Variants in RO60 observed in about 807,000 individuals in gnomAD.
The protein encoded by RO60 is RNA-binding protein RO60.
Under a neutral mutation model 55.3 loss-of-function variants are expected in RO60, and 20 were observed. The observed-to-expected ratio is 0.36, with a 90% CI of 0.25 to 0.53. RO60 has a LOEUF of 0.53. RO60 is among the 20% of genes least tolerant of loss of function. The pLI, the probability that RO60 is intolerant of heterozygous loss-of-function variation, is 0.92. For missense variants in RO60, 558 were observed against 646.6 expected (o/e 0.86, Z 1.49); for synonymous variants, 213 against 213.6 (o/e 1.00, Z 0.02).
downstream of RO60, chr1:193,091,464 C>G (rs957010011): frequency 1.8e-6 from 1 of 549,538 alleles, no homozygotes; most frequent in Non-Finnish European, 3.2e-6. Context: ...CAGGGAGCTT[C>G]CTAGGTCTGT....
At chr1:193,066,335 A>G (rs567427550) in intron 1 of RO60, among the ~76,000 whole-genome samples, 1 of 152,260 alleles carries the variant, frequency 6.6e-6, no homozygotes, top group East Asian at 1.9e-4. Flanking sequence ...ACTTTCCTTC[A>G]TAGTTTATAA....
intron 5 of RO60, among the ~76,000 whole-genome samples, chr1:193,078,014 T>C (rs564764353): frequency 1.3e-5 from 2 of 152,254 alleles, no homozygotes; most frequent in African/African-American, 4.8e-5. Context: ...AACAAAATAC[T>C]AGCAACCAAA....
Position 193,081,287 on chromosome 1 carries a change from A to G in RO60, c.1087-77A>G, listed in dbSNP as rs943039949. 6.5e-6 allele frequency: 5 copies of G among 769,860 alleles called. No individual in the cohort carries two copies. The African/African-American group carries it at 8.6e-5, about 13-fold the overall frequency. 47.7% of individuals were successfully genotyped at this position (769,860 alleles called of 1,614,324 possible). A position where few individuals can be genotyped will look rare whatever the true frequency, so the allele number is the denominator to read the frequency against. On this transcript the variant is annotated intron_variant, in intron 5 of 8. Transcript: ENST00000400968. ...TTTATCAGTCTTTTTAATGTAAGAT[A>G]AGTAAATATGATTTAGAAATTTAGT...
rs1673928764 is a variant in RO60 at position 193,076,493 on chromosome 1, T to C, written c.802-8T>C. The stretch of plus-strand genomic sequence containing the variant: ...TTCCTGGTATTTCTGCCTATGTTAT[T>C]GCAATAGGTATGGAAGGCTTTGTTA... On this transcript the variant is annotated splice_polypyrimidine_tract_variant and splice_region_variant and intron_variant, in intron 3 of 8. Transcript: ENST00000400968. The C allele has an allele frequency of 6.2e-7, 1 of 1,607,904 alleles. No individual in the cohort carries two copies.
Position 193,059,875 on chromosome 1 carries a change from G to T in RO60, c.-22+99G>T. 7.3e-7 allele frequency: 1 copy of T among 1,364,948 alleles called. No individual in the cohort carries two copies. Among genetic ancestry groups the T allele is most frequent in the Non-Finnish European group, 9.8e-7 (1 of 1,021,206 alleles). 84.6% of individuals were successfully genotyped at this position (1,364,948 alleles called of 1,614,324 possible). On this transcript the variant is annotated intron_variant, in intron 1 of 8. Coordinates refer to ENST00000400968, the MANE Select transcript of RO60 (RefSeq NM_001173524.2). This position sits in a 1 kb window ranked among gnomAD's most constrained non-coding sequence, Gnocchi z 4.9. ...CCATGTCTCTCACCCGCATCCCAGG[G>T]GTTGAGGCTGGGCAAACGCCGCGAA...
At chr1:193,060,005 G>C in intron 1 of RO60, 1 of 1,361,604 alleles carries the variant, frequency 7.3e-7, no homozygotes, top group Non-Finnish European at 9.8e-7. Flanking sequence ...CCATTCCTCA[G>C]GGTGGGCCCT....
chr1:193,065,315 T>C (rs1215590591), intron 1 of RO60, among the ~76,000 whole-genome samples: 2 of 152,194 alleles, frequency 1.3e-5, no homozygotes, highest in Non-Finnish European at 2.9e-5. Context: ...CAATGAATAA[T>C]ACAAGGAAAA....
At chr1:193,072,205 T>C (rs1673565780) in intron 2 of RO60, among the ~76,000 whole-genome samples, 1 of 152,168 alleles carries the variant, frequency 6.6e-6, no homozygotes, top group Non-Finnish European at 1.5e-5. Flanking sequence ...GGTTTCACCA[T>C]GTTGGTAATG....
intron 7 of RO60, 31 bp downstream of exon 7, chr1:193,082,330 G>A: frequency 1.3e-6 from 2 of 1,498,422 alleles, no homozygotes; most frequent in Non-Finnish European, 1.8e-6. Flanking sequence ...AGTTTACTTA[G>A]TTAAGTTTAC....
chr1:193,072,698 A>T (rs989167051), intron 2 of RO60, among the ~76,000 whole-genome samples: 18 of 152,178 alleles, frequency 1.2e-4, no homozygotes, highest in African/African-American at 4.1e-4. Context: ...GTTTGTTGAG[A>T]TGTGTCTTGG....
chr1:193,082,825 C>T, intron 8 of RO60, 117 bp downstream of exon 8: 1 of 843,740 alleles, frequency 1.2e-6, no homozygotes, highest in East Asian at 2.8e-5. Context: ...AGTGCAGTGG[C>T]TCAGTCATAG....
intron 2 of RO60, among the ~76,000 whole-genome samples, chr1:193,074,980 C>G (rs1182865670): frequency 6.6e-6 from 1 of 152,098 alleles, no homozygotes; most frequent in Non-Finnish European, 1.5e-5. Context: ...ACACTGTTCT[C>G]AAACCCCTGA....
rs1674556632 is a variant in RO60, at chr1:193,084,962, AT to A, written c.*232del. 1 of 1,544,466 alleles carries A rather than the reference AT, an allele frequency of 6.5e-7. No homozygotes were observed. Among genetic ancestry groups the A allele is most frequent in the Non-Finnish European group, 8.7e-7 (1 of 1,145,234 alleles). On this transcript the variant is annotated 3_prime_UTR_variant, in exon 9 of 9. Transcript: ENST00000400968. ...GCTTCAGGATACTGTAGTTTCCTCT[AT>A]CTAATAGAGAACTTTTTGTTAACAG...
chr1:193,081,320 T>G lies in RO60; in HGVS notation c.1087-44T>G, dbSNP rs988602252. ...ATGATTTAGAAATTTAGTCTACTTA[T>G]AATTTCTGTTATGCTTTTAATGATT... On this transcript the variant is annotated intron_variant, in intron 5 of 8. Coordinates refer to ENST00000400968, the MANE Select transcript of RO60 (RefSeq NM_001173524.2). 3 of 1,133,218 alleles carry G rather than the reference T, an allele frequency of 2.6e-6. 1 individual carries two copies. The highest frequency in any genetic ancestry group is 1.8e-5 in the Admixed American group (1 of 56,080). The allele number at this position is 1,133,218 out of a possible 1,614,324, so 70.2% of individuals were successfully genotyped here. A position where few individuals can be genotyped will look rare whatever the true frequency, so the allele number is the denominator to read the frequency against.
Position 193,085,112 on chromosome 1 carries a change from T to A in RO60, c.*381T>A. On this transcript the variant is annotated 3_prime_UTR_variant, in exon 9 of 9. Coordinates refer to ENST00000400968, the MANE Select transcript of RO60 (RefSeq NM_001173524.2). The stretch of plus-strand genomic sequence containing the variant: ...TTAACGTTTTCTTAAATGTTTTCAT[T>A]GGGAAAGGACAGCTTTGATAATGTC... 6.9e-7 allele frequency: 1 copy of A among 1,448,670 alleles called. No individual in the cohort carries two copies. The highest frequency in any genetic ancestry group is 9.1e-7 in the Non-Finnish European group (1 of 1,103,462). 89.7% of individuals were successfully genotyped at this position (1,448,670 alleles called of 1,614,324 possible).
rs763830792 is a variant in RO60, at chr1:193,075,948, C to T, written c.709C>T (p.Arg237Cys). The change falls in exon 3 of 9, where the codon CGC becomes TGC. Residue 237 changes from arginine to cysteine, a missense_variant. Transcript: ENST00000400968. ...KYLEAVEKVK[R>C]TRDELEVIHL... is the part of the protein sequence containing the mutation. The stretch of plus-strand genomic sequence containing the variant: ...TCTGGAGGCTGTAGAGAAAGTGAAG[C>T]GCACAAGAGATGAGCTAGAAGTCAT... 1.2e-5 allele frequency: 19 copies of T among 1,612,908 alleles called. No individual in the cohort carries two copies. The highest frequency in any genetic ancestry group is 5.0e-5 in the Admixed American group (3 of 59,914).
At position 193,076,919 on chromosome 1, in the gene RO60, A is replaced by T; in HGVS notation, c.955A>T (p.Ile319Leu). 1 of 1,611,520 alleles carries T rather than the reference A, an allele frequency of 6.2e-7. No individual in the cohort carries two copies. Among genetic ancestry groups the T allele is most frequent in the South Asian group, 1.1e-5 (1 of 90,634 alleles). ...CCTTATACTTTGTTTCTAGGCTCGT[A>T]TACATCCATTTCATATTTTGATCGC... ...CNEKLLKKAR[I>L]HPFHILIALE... The change falls in exon 5 of 9, where the codon ATA becomes TTA. Residue 319 changes from isoleucine (I) to leucine (L), a missense_variant. By Grantham distance (5) the Ile-to-Leu change is conservative. Transcript: ENST00000400968.
chr1:193,061,587 A>G (rs1558230441), intron 1 of RO60, among the ~76,000 whole-genome samples: 1 of 152,380 alleles, frequency 6.6e-6, no homozygotes, highest in East Asian at 1.9e-4. Context: ...AACAAGTGCT[A>G]TTATATAATG....
chr1:193,081,476 G>C lies in RO60; in HGVS notation c.1199G>C (p.Cys400Ser), dbSNP rs1674310197. 6.3e-7 allele frequency: 1 copy of C among 1,592,866 alleles called. No homozygotes were observed. The highest frequency in any genetic ancestry group is 1.7e-5 in the Admixed American group (1 of 59,576). ...GCTAGTACAGTTGCTGCAGCAATGT[G>C]CATGGTGAGAACACCTAAGACAATT... Reference protein sequence around the residue: ...LNASTVAAAMCMVVTRTEKDS... With the variant: ...LNASTVAAAMSMVVTRTEKDS... The change falls in exon 6 of 9, where the codon TGC becomes TCC. Residue 400 changes from cysteine (C) to serine (S), a missense_variant. Cys to Ser is a moderately radical substitution (Grantham distance 112). Coordinates refer to ENST00000400968, the MANE Select transcript of RO60 (RefSeq NM_001173524.2).
Sources: gnomAD v4.1 joint callset for allele counts (sites outside exome capture counted in the v4.1 genomes callset) on GRCh38, gnomAD v4.1.1 for gene constraint, Gnocchi (gnomAD v3.1) non-coding constraint, MANE v1.5 for transcripts, NCBI Gene and HGNC (gene_info 2026-07-23, HGNC 2026-07-21) for gene names.